PI4KA: variants seen among roughly 807,000 people sequenced by gnomAD.
The protein encoded by PI4KA is PI4-kinase alpha.
A neutral mutation model predicts 271.4 loss-of-function variants in PI4KA; 122 were observed. The observed-to-expected ratio is 0.45, with a 90% CI of 0.39 to 0.52. The LOEUF (loss-of-function observed/expected upper bound fraction) is 0.52, where lower values mean the gene tolerates loss of function less well. Ranked by LOEUF, PI4KA falls within the 20% of genes least tolerant of loss-of-function variation. The pLI is 0.00. For missense variants in PI4KA, 1,969 were observed against 2,769.1 expected (o/e 0.71, Z 6.48); for synonymous variants, 1,041 against 1,078.8 (o/e 0.96, Z 0.69).
intron 19 of PI4KA, among the ~76,000 whole-genome samples, chr22:20,782,420 T>C (rs1401031801): frequency 6.6e-6 from 1 of 152,228 alleles, no homozygotes; most frequent in African/African-American, 2.4e-5. Context: ...GAGTACCCAA[T>C]CATTCATGGA....
intron 36 of PI4KA, among the ~76,000 whole-genome samples, chr22:20,730,888 T>C (rs115334935): frequency 0.012 from 1,801 of 151,760 alleles, 29 homozygotes; most frequent in African/African-American, 0.039. Context: ...GCCTTTAAAA[T>C]AGAATAGGCT....
At chr22:20,728,417 C>T (rs1927626659) in intron 39 of PI4KA, among the ~76,000 whole-genome samples, 1 of 152,198 alleles carries the variant, frequency 6.6e-6, no homozygotes, top group African/African-American at 2.4e-5. Context: ...TTTTTCTACA[C>T]TTAACTGTTT....
intron 10 of PI4KA, 23 bp downstream of exon 10, chr22:20,807,339 A>G: frequency 6.7e-7 from 1 of 1,485,578 alleles, no homozygotes; most frequent in South Asian, 1.1e-5. Context: ...GTACTCACAA[A>G]CACATGGGCA....
At chr22:20,789,075 T>A (rs1485186557) in intron 19 of PI4KA, among the ~76,000 whole-genome samples, 1 of 151,936 alleles carries the variant, frequency 6.6e-6, no homozygotes, top group East Asian at 1.9e-4. Context: ...ATCTCTCAGA[T>A]CCCCTCTTAC....
rs942029559 is a variant in PI4KA, at chr22:20,770,829, T to C, written c.2329-5136A>G. Among the ~76,000 whole-genome samples, 11 of 152,236 alleles carry C rather than the reference T, an allele frequency of 7.2e-5. No individual in the cohort carries two copies. The South Asian group carries it at 2.3e-3, about 32-fold the overall frequency. On this transcript the variant is annotated intron_variant, in intron 19 of 54. Transcript: ENST00000255882. ...GCCTCAGCCTCCCAAAGTGCTGGGA[T>C]GATAGGCATGAGCCACCGTGCCTGA...
At chr22:20,742,395 A>T in intron 31 of PI4KA, 40 bp from the exon 32 acceptor site, 1 of 1,603,910 alleles carries the variant, frequency 6.2e-7, no homozygotes, top group Non-Finnish European at 8.5e-7. Flanking sequence ...CTCCAACAAC[A>T]GCTGAACCCC....
chr22:20,835,692 A>G (rs893298132), intron 2 of PI4KA, among the ~76,000 whole-genome samples: 9 of 152,118 alleles, frequency 5.9e-5, no homozygotes, highest in African/African-American at 2.2e-4. Flanking sequence ...AGATTGTGCC[A>G]CTGCACTCCA....
intron 26 of PI4KA, 67 bp from the exon 27 acceptor site, chr22:20,751,443 G>A (rs771024670): frequency 3.7e-6 from 5 of 1,353,116 alleles, no homozygotes; most frequent in African/African-American, 2.9e-5. Context: ...AACCACATGG[G>A]CCACCCCTAC....
intron 19 of PI4KA, among the ~76,000 whole-genome samples, chr22:20,769,828 T>C (rs1217784937): frequency 6.6e-6 from 1 of 152,184 alleles, no homozygotes; most frequent in Non-Finnish European, 1.5e-5. Flanking sequence ...GTAATCTGAC[T>C]TGGACTAGAC....
At position 20,712,489 on chromosome 22, in the gene PI4KA, C is replaced by T. The variant is rs1425219701; in HGVS notation, c.5799G>A (p.Gln1933=). The change falls in exon 50 of 55, where the codon CAG becomes CAA. Residue 1933 remains glutamine (Q), a synonymous_variant. Transcript: ENST00000255882. The part of the protein sequence containing the change: ...QYGDESTLAF[Q]QARYNFIRSM... ...GGCCTGTGGCCACCCTGGCTACCTG[C>T]TGGAAGGCCAGAGTGGACTCATCCC... 6.2e-7 allele frequency: 1 copy of T among 1,607,950 alleles called. No homozygotes were observed. The highest frequency in any genetic ancestry group is 1.1e-5 in the South Asian group (1 of 90,074).
intron 3 of PI4KA, among the ~76,000 whole-genome samples, chr22:20,832,050 G>A (rs183679015): frequency 1.9e-4 from 29 of 151,586 alleles, no homozygotes; most frequent in Non-Finnish European, 3.1e-4. Flanking sequence ...TTATTTTGGA[G>A]AGCTGGTCTT....
At chr22:20,838,593 T>C in intron 2 of PI4KA, 22 bp downstream of exon 2, 1 of 1,420,854 alleles carries the variant, frequency 7.0e-7, no homozygotes, top group Non-Finnish European at 9.9e-7. Context: ...ATGAAGAAAC[T>C]TTTAATTTCA....
At chr22:20,733,879 C>T (rs748845135) in intron 34 of PI4KA, 36 bp from the exon 35 acceptor site, 1 of 1,611,980 alleles carries the variant, frequency 6.2e-7, no homozygotes, top group Admixed American at 1.7e-5. Context: ...AGAGCAGGAG[C>T]CTGGCCTGGG....
intron 9 of PI4KA, 82 bp downstream of exon 9, chr22:20,810,885 C>A: frequency 9.7e-7 from 1 of 1,031,154 alleles, no homozygotes; most frequent in Non-Finnish European, 1.5e-6. Flanking sequence ...TCCACTCCAG[C>A]CCCCGCTCAA....
chr22:20,726,220 TG>T, intron 42 of PI4KA: 2 of 373,198 alleles, frequency 5.4e-6, no homozygotes, highest in South Asian at 9.8e-5. Context: ...GAGGGAAGCC[TG>T]GCCAGGCTGC....
chr22:20,708,562 G>A, intron 54 of PI4KA, among the ~76,000 whole-genome samples: 1 of 140,548 alleles, frequency 7.1e-6, no homozygotes, highest in African/African-American at 2.8e-5. Context: ...CCTGGGGGCA[G>A]GTCTCAGCTT....
chr22:20,828,983 ATTG>A (rs1923806499), intron 3 of PI4KA, among the ~76,000 whole-genome samples: 1 of 152,170 alleles, frequency 6.6e-6, no homozygotes. Flanking sequence ...ATTTGCATAC[ATTG>A]TATCGATCCT....
At chr22:20,855,739 C>G (rs973264048) in intron 1 of PI4KA, among the ~76,000 whole-genome samples, 4 of 152,170 alleles carry the variant, frequency 2.6e-5, no homozygotes, top group Admixed American at 6.5e-5. Flanking sequence ...AATCAGCACC[C>G]TAAGTTTTTA....
rs569292649 is a variant in PI4KA at position 20,846,714 on chromosome 22, G to C, written c.157-7983C>G. Among the ~76,000 whole-genome samples the C allele has an allele frequency of 3.0e-4, 46 of 151,810 alleles. No individual in the cohort carries two copies. The South Asian group carries it at 9.6e-3, about 32-fold the overall frequency. ...AAAAATTAGCCAGGCGTGGGGGCAA[G>C]CGTCTGTAGTCCCAGCTAATCAGGA... On this transcript the variant is annotated intron_variant, in intron 1 of 54. Transcript: ENST00000255882.
Sources: allele counts gnomAD v4.1 joint callset (sites outside exome capture counted in the v4.1 genomes callset), GRCh38; gene constraint gnomAD v4.1.1; transcripts MANE v1.5; gene names NCBI Gene and HGNC (gene_info 2026-07-23, HGNC 2026-07-21).